ERMP1: variants seen among roughly 807,000 people sequenced by gnomAD.
ERMP1 encodes Felix-ina.
ERMP1 carries 86 observed loss-of-function variants against 92.0 expected under a neutral mutation model. The observed-to-expected ratio is 0.93, with a 90% CI of 0.79 to 1.12. ERMP1 has a LOEUF of 1.12. Among genes scored for constraint, ERMP1 ranks in the 50% most tolerant of loss-of-function variants. The pLI, the probability that ERMP1 is intolerant of heterozygous loss-of-function variation, is 0.00. For missense variants in ERMP1, 1,342 were observed against 1,116.3 expected (o/e 1.20, Z -2.88); for synonymous variants, 530 against 412.8 (o/e 1.28, Z -3.44).
At chr9:5,827,284 T>C (rs186720177) in intron 2 of ERMP1, among the ~76,000 whole-genome samples, 174 of 152,294 alleles carry the variant, frequency 1.1e-3, no homozygotes, top group African/African-American at 3.8e-3. Flanking sequence ...TTGGCTTCCA[T>C]GGGCCACATT....
chr9:5,850,112 T>TC (rs1029361600), intron 6 of ERMP1, among the ~76,000 whole-genome samples: 6 of 151,844 alleles, frequency 4.0e-5, no homozygotes, highest in Non-Finnish European at 5.9e-5. Context: ...GGCCCAGGTC[T>TC]CCCCCCCTTT....
intron 5 of ERMP1, among the ~76,000 whole-genome samples, chr9:5,866,089 T>C (rs1830650761): frequency 6.6e-6 from 1 of 152,152 alleles, no homozygotes; most frequent in South Asian, 2.1e-4. Context: ...TGTTGTACGG[T>C]AGAATATAAA....
At chr9:5,813,543 A>T (rs545919106) in intron 4 of ERMP1, among the ~76,000 whole-genome samples, 2 of 152,276 alleles carry the variant, frequency 1.3e-5, no homozygotes, top group South Asian at 4.1e-4. Context: ...GCATTATACT[A>T]GTAAGCATCC....
chr9:5,837,543 T>A (rs1194038529), upstream of ERMP1, among the ~76,000 whole-genome samples: 1 of 152,134 alleles, frequency 6.6e-6, no homozygotes, highest in African/African-American at 2.4e-5. Context: ...AAAACTTCTA[T>A]ACATCAAAAA....
Position 5,787,167 on chromosome 9 carries a change from T to G in ERMP1, c.2692A>C (p.Thr898Pro). Residue 898 changes from threonine to proline, a missense_variant, in exon 15 of 15, where the codon ACC (threonine) becomes CCC (proline). Coordinates refer to ENST00000339450, the MANE Select transcript of ERMP1 (RefSeq NM_024896.3). ...DWTFPSAWVC[T>P]YDLFVF ...GATTAAAATACAAAGAGATCGTAGGTGCACACCCAGGCAGAGGGAAATGTC... is the reference window on the plus strand; with the variant it reads ...GATTAAAATACAAAGAGATCGTAGGGGCACACCCAGGCAGAGGGAAATGTC... The G allele has an allele frequency of 6.2e-7, 1 of 1,613,838 alleles. No individual in the cohort carries two copies. Among genetic ancestry groups the G allele is most frequent in the South Asian group, 1.1e-5 (1 of 91,032 alleles).
intron 5 of ERMP1, 34 bp downstream of exon 5, chr9:5,812,855 G>A (rs752897997): frequency 8.1e-6 from 13 of 1,612,664 alleles, no homozygotes; most frequent in Middle Eastern, 1.7e-4. Context: ...ATAAATAAAT[G>A]CTGCACAGTA....
Position 5,811,197 on chromosome 9 carries a change from G to T in ERMP1, c.1241C>A (p.Ser414Tyr). ...VLGLFVIAYP[S>Y]RIGSIINYMV... The stretch of plus-strand genomic sequence containing the variant: ...GTAGTTTATGATTGAGCCAATACGA[G>T]AGGGGTAGGCAATGACAAACAGGCC... Residue 414 changes from serine (S) to tyrosine (Y), a missense_variant, in exon 7 of 15, where the codon TCT becomes TAT. Physicochemically the swap from Ser to Tyr is moderately radical, Grantham distance 144. Transcript: ENST00000339450. The T allele has an allele frequency of 6.2e-7, 1 of 1,614,018 alleles. No homozygotes were observed. The highest frequency in any genetic ancestry group is 8.5e-7 in the Non-Finnish European group (1 of 1,179,984).
intron 6 of ERMP1, among the ~76,000 whole-genome samples, chr9:5,844,602 G>A (rs928551518): frequency 3.0e-4 from 45 of 152,266 alleles, no homozygotes; most frequent in Admixed American, 1.8e-3. Flanking sequence ...GTCAATCTTT[G>A]TGAGAACTAA....
At chr9:5,811,659 G>T (rs186937180) in intron 6 of ERMP1, among the ~76,000 whole-genome samples, 110 of 152,228 alleles carry the variant, frequency 7.2e-4, no homozygotes, top group African/African-American at 2.5e-3. Context: ...CAAATCCAAT[G>T]GCTGTTTCTT....
chr9:5,800,737 G>C (rs2797515), intron 11 of ERMP1, among the ~76,000 whole-genome samples: 15,478 of 152,102 alleles, frequency 0.1, 1,587 homozygotes, highest in African/African-American at 0.27. Flanking sequence ...CTAAGTTATA[G>C]TTTCACTATC....
Position 5,805,007 on chromosome 9 carries a change from A to G in ERMP1, c.1914+20T>C. On this transcript the variant is annotated intron_variant, in intron 10 of 14. Transcript: ENST00000339450. Reference sequence around the variant, plus strand: ...TCATATAAAAAATGAAGAAAAAGAAAAAAACTTATTTTCTCTTACAAAATA... The same window carrying G: ...TCATATAAAAAATGAAGAAAAAGAAGAAAACTTATTTTCTCTTACAAAATA... 2 of 1,577,584 alleles carry G rather than the reference A, an allele frequency of 1.3e-6. No individual in the cohort carries two copies. The highest frequency in any genetic ancestry group is 1.7e-6 in the Non-Finnish European group (2 of 1,164,718).
At position 5,798,959 on chromosome 9, in the gene ERMP1, T is replaced by G. The variant is rs765110202; in HGVS notation, c.2117A>C (p.Asp706Ala). The G allele has an allele frequency of 1.9e-6, 3 of 1,613,418 alleles. No individual in the cohort carries two copies. In the African/African-American group the frequency reaches 4.0e-5, roughly 22 times the overall value. ...AAACCCATTGATCCATATTCCAGAG[T>G]CCCGTTTAACTGCATTTCCTTCCAA... Reference protein sequence around the residue: ...HDLEGNAVKRDSGIWINGFDY... With the variant: ...HDLEGNAVKRASGIWINGFDY... Residue 706 changes from aspartate to alanine, a missense_variant, in exon 12 of 15, where the codon GAC becomes GCC. Transcript: ENST00000339450.
chr9:5,789,875 G>C (rs1272612851), intron 13 of ERMP1, among the ~76,000 whole-genome samples: 2 of 144,420 alleles, frequency 1.4e-5, no homozygotes, highest in East Asian at 4.7e-4. Context: ...GTAGAGATGG[G>C]GTCTCCCCGT....
In ERMP1 at chr9:5,832,702, G is replaced by A; in HGVS notation, c.326C>T (p.Ala109Val). ...GAGCGGCCGGTACCTGGCTTGGAGC[G>A]CGTCGAACTCCCCGCGGTGTCCAGC... ...GAAGHRGEFD[A>V]LQARDYLEHI... Residue 109 changes from alanine to valine, a missense_variant, in exon 1 of 15, where the codon GCG (alanine) becomes GTG (valine). Physicochemically the swap from Ala to Val is moderately conservative, Grantham distance 64 (BLOSUM62 0). Coordinates refer to ENST00000339450, the MANE Select transcript of ERMP1 (RefSeq NM_024896.3). 1 of 1,476,102 alleles carries A rather than the reference G, an allele frequency of 6.8e-7. No individual in the cohort carries two copies. The allele number at this position is 1,476,102 out of a possible 1,614,324, so 91.4% of individuals were successfully genotyped here. A position where few individuals can be genotyped will look rare whatever the true frequency, so the allele number is the denominator to read the frequency against.
rs369035268 is a variant in ERMP1, at chr9:5,805,135, T to C, written c.1806A>G (p.Val602=). 2 of 1,613,414 alleles carry C rather than the reference T, an allele frequency of 1.2e-6. No homozygotes were observed. The highest frequency in any genetic ancestry group is 1.7e-6 in the Non-Finnish European group (2 of 1,179,688). Residue 602 remains valine (V), a synonymous_variant, in exon 10 of 15, where the codon GTA becomes GTG. Coordinates refer to ENST00000339450, the MANE Select transcript of ERMP1 (RefSeq NM_024896.3). ...YLYALYLIWA[V]FEMFTPILGR... ...CGAGGATAGGGGTAAACATCTCAAA[T>C]ACTGCCCAGATGAGGTACAATGCAT...
In ERMP1 at chr9:5,823,975, G is replaced by A. The variant is rs1829640648; in HGVS notation, c.795C>T (p.His265=). ...LQASHGFITQ[H]PWASLIRAFI... ...ATGCACGAATCAAGCTAGCCCAGGG[G>A]TGCTGAGTAATGAAACCATGACTGG... The change falls in exon 4 of 15, where the codon CAC becomes CAT. Residue 265 remains histidine (H), a synonymous_variant. Transcript: ENST00000339450. 6.2e-7 allele frequency: 1 copy of A among 1,614,036 alleles called. No homozygotes were observed. The highest frequency in any genetic ancestry group is 8.5e-7 in the Non-Finnish European group (1 of 1,179,930).
At chr9:5,804,903 C>T in intron 10 of ERMP1, 124 bp downstream of exon 10, 5 of 714,366 alleles carry the variant, frequency 7.0e-6, no homozygotes, top group Non-Finnish European at 1.1e-5. Context: ...CATTCATTCA[C>T]CATTTCTTCT....
chr9:5,806,466 C>T (rs557038872), intron 8 of ERMP1, among the ~76,000 whole-genome samples: 53 of 149,076 alleles, frequency 3.6e-4, no homozygotes, highest in African/African-American at 1.2e-3. Context: ...CTCGCTCTGT[C>T]GCCTAGGCCG....
At chr9:5,819,691 C>T (rs1002262993) in intron 4 of ERMP1, among the ~76,000 whole-genome samples, 3 of 152,212 alleles carry the variant, frequency 2.0e-5, no homozygotes. Flanking sequence ...TTACTAAATA[C>T]CATCTTCTTT....
Sources: allele counts gnomAD v4.1 joint callset (sites outside exome capture counted in the v4.1 genomes callset), GRCh38; gene constraint gnomAD v4.1.1; transcripts MANE v1.5; gene names NCBI Gene and HGNC (gene_info 2026-07-23, HGNC 2026-07-21).